Variants in ADIPOR2 observed in about 807,000 individuals in gnomAD.
The protein encoded by ADIPOR2 is adiponectin receptor protein 2.
ADIPOR2 carries 18 observed loss-of-function variants against 40.9 expected under a neutral mutation model. The ratio of observed to expected loss-of-function variants is 0.44; its 90% CI spans 0.30 to 0.65. ADIPOR2 has a LOEUF of 0.65. ADIPOR2 is among the 30% of genes least tolerant of loss of function. The probability of loss-of-function intolerance (pLI) is 0.09; values close to 1 mark genes in which losing one functional copy is unlikely to be tolerated. For missense variants in ADIPOR2, 283 were observed against 479.2 expected (o/e 0.59, Z 3.82); for synonymous variants, 165 against 166.4 (o/e 0.99, Z 0.06).
chr12:1,721,565 G>A (rs1280680862), intron 1 of ADIPOR2, among the ~76,000 whole-genome samples: 1 of 152,162 alleles, frequency 6.6e-6, no homozygotes, highest in Non-Finnish European at 1.5e-5. Context: ...AATTTTCAGG[G>A]TTCACAGAGT....
intron 1 of ADIPOR2, among the ~76,000 whole-genome samples, chr12:1,706,999 CTT>C (rs1049543330): frequency 1.3e-5 from 2 of 152,154 alleles, no homozygotes; most frequent in African/African-American, 4.8e-5. Flanking sequence ...AAGAAAAAAA[CTT>C]TGTGTGTGTA....
At chr12:1,725,080 C>T (rs1429984197) in intron 1 of ADIPOR2, among the ~76,000 whole-genome samples, 1 of 151,636 alleles carries the variant, frequency 6.6e-6, no homozygotes, top group East Asian at 1.9e-4. Flanking sequence ...TTTAAGCCTA[C>T]ATTTTATCAG....
In ADIPOR2 at chr12:1,711,312, G is replaced by A. The variant is rs183785691; in HGVS notation, c.-87+20121G>A. ...TAAATCTGCTATTCCAATTCCTGTA[G>A]CAGTGGCCATTCCTAACCCTATAAG... On this transcript the variant is annotated intron_variant, in intron 1 of 7. Coordinates refer to ENST00000357103, the MANE Select transcript of ADIPOR2 (RefSeq NM_024551.3). Among the ~76,000 whole-genome samples the A allele has an allele frequency of 5.9e-5, 9 of 152,236 alleles. No homozygotes were observed. The East Asian group carries it at 1.7e-3, about 29-fold the overall frequency.
intron 1 of ADIPOR2, 40 bp from the exon 2 acceptor site, chr12:1,754,218 A>G: frequency 1.2e-6 from 1 of 833,184 alleles, no homozygotes. Context: ...TTTCCCCAGC[A>G]CTCCTTTAAT....
chr12:1,719,727 T>C (rs1368615735), intron 1 of ADIPOR2, among the ~76,000 whole-genome samples: 1 of 150,766 alleles, frequency 6.6e-6, no homozygotes, highest in Non-Finnish European at 1.5e-5. Flanking sequence ...CAGGCTGGAG[T>C]GCAGTGGTGC....
At chr12:1,739,640 G>T (rs1245165963) in intron 1 of ADIPOR2, among the ~76,000 whole-genome samples, 1 of 152,128 alleles carries the variant, frequency 6.6e-6, no homozygotes, top group Non-Finnish European at 1.5e-5. Flanking sequence ...GCTGAGTTGA[G>T]TTTTTTGTAG....
chr12:1,748,138 T>C (rs898619110), intron 1 of ADIPOR2, among the ~76,000 whole-genome samples: 3 of 152,202 alleles, frequency 2.0e-5, no homozygotes, highest in African/African-American at 7.2e-5. Flanking sequence ...TTTCCATTAT[T>C]GTAATTTTCA....
chr12:1,756,368 C>G (rs1862131337), intron 2 of ADIPOR2, among the ~76,000 whole-genome samples: 1 of 151,308 alleles, frequency 6.6e-6, no homozygotes. Flanking sequence ...CCAGGCTGGT[C>G]TTAAACTCCT....
chr12:1,701,621 A>G lies in ADIPOR2; in HGVS notation c.-87+10430A>G, dbSNP rs1247658750. The stretch of plus-strand genomic sequence containing the variant: ...TTTGACCTACAAAAATGACAGTTTC[A>G]TATGGCCCACCCTAATAGTCATACT... On this transcript the variant is annotated intron_variant, in intron 1 of 7. Coordinates refer to ENST00000357103, the MANE Select transcript of ADIPOR2 (RefSeq NM_024551.3). 2.0e-5 allele frequency among the ~76,000 whole-genome samples: 3 copies of G among 152,190 alleles called. No individual in the cohort carries two copies. The East Asian group carries it at 5.8e-4, about 29-fold the overall frequency.
intron 3 of ADIPOR2, among the ~76,000 whole-genome samples, chr12:1,777,614 T>G (rs969600575): frequency 6.6e-6 from 1 of 152,114 alleles, no homozygotes; most frequent in Non-Finnish European, 1.5e-5. Context: ...TCCACCCACC[T>G]TGGCCTCCCA....
At chr12:1,743,242 A>AAAC (rs3078837) in intron 1 of ADIPOR2, among the ~76,000 whole-genome samples, 48,532 of 134,450 alleles carry the variant, frequency 0.36, 11,687 homozygotes, top group Non-Finnish European at 0.51. Flanking sequence ...AAAAAAAAAA[A>AAAC]AAAACAAAGC....
At chr12:1,718,001 A>G (rs987612695) in intron 1 of ADIPOR2, among the ~76,000 whole-genome samples, 14 of 152,168 alleles carry the variant, frequency 9.2e-5, no homozygotes, top group African/African-American at 2.7e-4. Context: ...AGGTGAAACT[A>G]TAGTCAATAT....
At chr12:1,704,474 A>G (rs1427260293) in intron 1 of ADIPOR2, among the ~76,000 whole-genome samples, 1 of 152,256 alleles carries the variant, frequency 6.6e-6, no homozygotes, top group Non-Finnish European at 1.5e-5. Flanking sequence ...GAGGATATAC[A>G]TTAATGAGGA....
intron 1 of ADIPOR2, chr12:1,731,141 G>A (rs1011463062): frequency 8.6e-5 from 13 of 152,038 alleles, no homozygotes; most frequent in African/African-American, 3.1e-4. Flanking sequence ...GCTTACTGAA[G>A]CCTCAAACTC....
chr12:1,756,803 A>G (rs370078381), intron 2 of ADIPOR2, among the ~76,000 whole-genome samples: 8 of 152,094 alleles, frequency 5.3e-5, no homozygotes, highest in East Asian at 3.9e-4. Context: ...AAATGGTTGG[A>G]TTCTGGATAT....
chr12:1,733,923 A>G (rs1038008695), intron 1 of ADIPOR2, among the ~76,000 whole-genome samples: 3 of 152,078 alleles, frequency 2.0e-5, no homozygotes, highest in Non-Finnish European at 2.9e-5. Context: ...CCATGTCCCT[A>G]CAAAGGACAT....
At chr12:1,778,046 A>G (rs754749144) in intron 4 of ADIPOR2, 21 bp downstream of exon 4, 12 of 1,598,032 alleles carry the variant, frequency 7.5e-6, no homozygotes, top group South Asian at 1.1e-5. Flanking sequence ...TCAGTGATGT[A>G]ATGAGCTGGT....
rs534381860 is a variant in ADIPOR2 at position 1,714,573 on chromosome 12, G to A, written c.-87+23382G>A. Among the ~76,000 whole-genome samples the A allele has an allele frequency of 2.0e-5, 3 of 152,148 alleles. No individual in the cohort carries two copies. In the East Asian group the frequency reaches 5.8e-4, roughly 29 times the overall value. ...GGTGGATGTCATTGAATAATTCATG[G>A]GCTTTTTCCTAATTCTGCTTAGTCC... On this transcript the variant is annotated intron_variant, in intron 1 of 7. Transcript: ENST00000357103.
chr12:1,728,200 C>T (rs11061950), intron 1 of ADIPOR2, among the ~76,000 whole-genome samples: 6,532 of 151,702 alleles, frequency 0.043, 230 homozygotes, highest in East Asian at 0.17. Flanking sequence ...GCAACTTCCG[C>T]CTCCCGGTTT....
Sources: allele counts gnomAD v4.1 joint callset (sites outside exome capture counted in the v4.1 genomes callset), GRCh38; gene constraint gnomAD v4.1.1; transcripts MANE v1.5; gene names NCBI Gene and HGNC (gene_info 2026-07-23, HGNC 2026-07-21).